The following ERI3 variants were observed in gnomAD, a reference collection of about 807,000 sequenced individuals.
ERI3 encodes the protein ERI1 exoribonuclease 3.
A neutral mutation model predicts 44.4 loss-of-function variants in ERI3; 18 were observed. The observed-to-expected ratio is 0.41, with a 90% CI of 0.28 to 0.60. The LOEUF (loss-of-function observed/expected upper bound fraction) is 0.60, where lower values mean the gene tolerates loss of function less well. Ranked by LOEUF, ERI3 falls within the 20% of genes least tolerant of loss-of-function variation. The pLI, the probability that ERI3 is intolerant of heterozygous loss-of-function variation, is 0.36. For missense variants in ERI3, 294 were observed against 435.5 expected (o/e 0.68, Z 2.89); for synonymous variants, 183 against 164.8 (o/e 1.11, Z -0.84).
chr1:44,250,260 G>T (rs1247864737), intron 7 of ERI3, among the ~76,000 whole-genome samples: 1 of 152,224 alleles, frequency 6.6e-6, no homozygotes. Context: ...CAGGGCTGCC[G>T]AGGCCCCTCC....
At chr1:44,350,645 T>C (rs1275728433) in intron 2 of ERI3, among the ~76,000 whole-genome samples, 1 of 152,210 alleles carries the variant, frequency 6.6e-6, no homozygotes, top group East Asian at 1.9e-4. Flanking sequence ...AACAAATTCT[T>C]TGGTAGACAT....
rs534448322 is a variant in ERI3 at position 44,295,708 on chromosome 1, C to T, written c.759-10801G>A. On this transcript the variant is annotated intron_variant, in intron 6 of 8. Coordinates refer to ENST00000372257, the MANE Select transcript of ERI3 (RefSeq NM_024066.3). Reference sequence around the variant, plus strand: ...AATGAATGGGACACATCTGCTACCACGAGCAATCATCTAAATCAACTTTCA... The same window carrying T: ...AATGAATGGGACACATCTGCTACCATGAGCAATCATCTAAATCAACTTTCA... Among the ~76,000 whole-genome samples the T allele has an allele frequency of 2.1e-4, 32 of 152,316 alleles. 2 individuals carry two copies. The highest frequency in any genetic ancestry group is 8.3e-4 in the South Asian group (4 of 4,822).
intron 7 of ERI3, among the ~76,000 whole-genome samples, chr1:44,250,710 C>T (rs1254167915): frequency 6.6e-6 from 1 of 152,054 alleles, no homozygotes; most frequent in Non-Finnish European, 1.5e-5. Flanking sequence ...GTGACATGGC[C>T]TCATCCAGCA....
At chr1:44,297,835 C>A (rs1158311834) in intron 6 of ERI3, among the ~76,000 whole-genome samples, 2 of 152,218 alleles carry the variant, frequency 1.3e-5, no homozygotes, top group Non-Finnish European at 2.9e-5. Context: ...TCTCCTCTCA[C>A]AGAGGGAATC....
chr1:44,295,419 G>C (rs1645590264), intron 6 of ERI3, among the ~76,000 whole-genome samples: 1 of 152,178 alleles, frequency 6.6e-6, no homozygotes, highest in Non-Finnish European at 1.5e-5. Flanking sequence ...TTAGGTATAT[G>C]TGTGCTGGTC....
chr1:44,265,721 A>C (rs1016657089), intron 7 of ERI3, among the ~76,000 whole-genome samples: 9 of 152,262 alleles, frequency 5.9e-5, no homozygotes, highest in African/African-American at 2.2e-4. Context: ...ATGAAGTACT[A>C]ATTTATAATA....
In ERI3 at chr1:44,333,884, T is replaced by C. The variant is rs1572308794; in HGVS notation, c.489+5161A>G. 1.3e-5 allele frequency among the ~76,000 whole-genome samples: 2 copies of C among 152,184 alleles called. 1 individual carries two copies. Among genetic ancestry groups the C allele is most frequent in the South Asian group, 4.1e-4 (2 of 4,828 alleles). ...TGGAAACGAGAAACTCCTTTACTCA[T>C]AGTTCTAACTCAAAATGCAGATGGA... is the stretch of plus-strand genomic sequence containing the variant. On this transcript the variant is annotated intron_variant, in intron 3 of 8. Coordinates refer to ENST00000372257, the MANE Select transcript of ERI3 (RefSeq NM_024066.3).
Position 44,314,971 on chromosome 1 carries a change from C to T in ERI3, c.607-1743G>A, listed in dbSNP as rs901543394. Among the ~76,000 whole-genome samples the T allele has an allele frequency of 2.0e-5, 3 of 152,322 alleles. No homozygotes were observed. In the South Asian group the frequency reaches 6.2e-4, roughly 32 times the overall value. ...CAGGCATGAAGGGGCCAAAGAGAGT[C>T]AGGAGGAGGCTTATTACCAACCCCA... On this transcript the variant is annotated intron_variant, in intron 4 of 8. Coordinates refer to ENST00000372257, the MANE Select transcript of ERI3 (RefSeq NM_024066.3).
intron 8 of ERI3, among the ~76,000 whole-genome samples, chr1:44,225,335 G>A (rs149584251): frequency 2.4e-4 from 36 of 152,168 alleles, no homozygotes; most frequent in Admixed American, 1.2e-3. Flanking sequence ...GTGCAGTGGC[G>A]TGACCTCAGC....
chr1:44,273,927 T>C (rs1290765377), intron 7 of ERI3, among the ~76,000 whole-genome samples: 1 of 152,082 alleles, frequency 6.6e-6, no homozygotes, highest in African/African-American at 2.4e-5. Context: ...ACAGGAGATG[T>C]GGAGATAGGA....
intron 7 of ERI3, among the ~76,000 whole-genome samples, chr1:44,254,516 G>T (rs980004314): frequency 1.3e-5 from 2 of 151,916 alleles, no homozygotes; most frequent in African/African-American, 2.4e-5. Flanking sequence ...CTGCCTACTT[G>T]TCCTAGAGCA....
intron 6 of ERI3, among the ~76,000 whole-genome samples, chr1:44,294,360 T>C (rs1408189007): frequency 6.6e-6 from 1 of 152,214 alleles, no homozygotes; most frequent in South Asian, 2.1e-4. Flanking sequence ...CATGGCTCTT[T>C]ATCCTATCTG....
intron 7 of ERI3, among the ~76,000 whole-genome samples, chr1:44,267,805 A>G (rs1300233705): frequency 6.6e-6 from 1 of 152,196 alleles, no homozygotes; most frequent in Non-Finnish European, 1.5e-5. Context: ...ACTCAAGCCT[A>G]CCTGCCCACA....
chr1:44,295,954 G>A (rs1367869423), intron 6 of ERI3, among the ~76,000 whole-genome samples: 1 of 152,146 alleles, frequency 6.6e-6, no homozygotes, highest in Non-Finnish European at 1.5e-5. Flanking sequence ...ACTGACAATG[G>A]GTAAAGCCCC....
At chr1:44,307,615 A>G (rs1488890725) in intron 6 of ERI3, among the ~76,000 whole-genome samples, 1 of 152,216 alleles carries the variant, frequency 6.6e-6, no homozygotes, top group Non-Finnish European at 1.5e-5. Context: ...AACCCAGCAA[A>G]GGAACCGGTT....
intron 2 of ERI3, 107 bp downstream of exon 2, chr1:44,352,743 A>C: frequency 1.7e-6 from 2 of 1,191,704 alleles, no homozygotes; most frequent in Non-Finnish European, 2.4e-6. Context: ...CTTTGGGGAT[A>C]CATGGGAAAA....
chr1:44,248,297 T>G (rs1644597382), intron 7 of ERI3, among the ~76,000 whole-genome samples: 1 of 152,068 alleles, frequency 6.6e-6, no homozygotes, highest in African/African-American at 2.4e-5. Context: ...AGGACTCCTC[T>G]CTAAGGAGTT....
At chr1:44,340,660 G>A (rs906444009) in intron 2 of ERI3, among the ~76,000 whole-genome samples, 5 of 152,150 alleles carry the variant, frequency 3.3e-5, no homozygotes, top group East Asian at 1.9e-4. Context: ...TAGGATATAC[G>A]CTAGTGTAGG....
chr1:44,345,585 G>C (rs1425173995), intron 2 of ERI3, among the ~76,000 whole-genome samples: 3 of 152,184 alleles, frequency 2.0e-5, no homozygotes, highest in African/African-American at 7.2e-5. Context: ...AGGCACCTGA[G>C]TCACAGAAAC....
Sources: gnomAD v4.1 joint callset for allele counts (sites outside exome capture counted in the v4.1 genomes callset) on GRCh38, gnomAD v4.1.1 for gene constraint, MANE v1.5 for transcripts, NCBI Gene and HGNC (gene_info 2026-07-23, HGNC 2026-07-21) for gene names.